COPRS: variants seen among roughly 807,000 people sequenced by gnomAD.
COPRS encodes coordinator of PRMT5 and differentiation stimulator.
COPRS carries 11 observed loss-of-function variants against 19.9 expected under a neutral mutation model. The observed-to-expected ratio is 0.55, with a 90% CI of 0.35 to 0.92. The LOEUF (loss-of-function observed/expected upper bound fraction) is 0.92, where lower values mean the gene tolerates loss of function less well. Ranked by LOEUF, COPRS falls within the 40% of genes least tolerant of loss-of-function variation. The pLI is 0.01. For missense variants in COPRS, 225 were observed against 229.9 expected (o/e 0.98, Z 0.14); for synonymous variants, 81 against 82.7 (o/e 0.98, Z 0.11).
At chr17:31,855,752 C>G (rs1224733970) in intron 2 of COPRS, among the ~76,000 whole-genome samples, 1 of 151,628 alleles carries the variant, frequency 6.6e-6, no homozygotes, top group African/African-American at 2.4e-5. Flanking sequence ...TCCCAGCACT[C>G]TGAGAGGCTG....
intron 1 of COPRS, chr17:31,858,285 G>T: frequency 1.3e-6 from 1 of 797,608 alleles, no homozygotes; most frequent in Non-Finnish European, 1.5e-6. Flanking sequence ...ATCCTTTCCT[G>T]CTATGCCCTG....
Position 31,859,126 on chromosome 17 carries a change from G to T in COPRS, c.74C>A (p.Ala25Glu). 1 of 1,083,162 alleles carries T rather than the reference G, an allele frequency of 9.2e-7. No individual in the cohort carries two copies. The allele number at this position is 1,083,162 out of a possible 1,614,324, so 67.1% of individuals were successfully genotyped here. A position where few individuals can be genotyped will look rare whatever the true frequency, so the allele number is the denominator to read the frequency against. Residue 25 changes from alanine (A) to glutamate (E), a missense_variant, in exon 1 of 4, where the codon GCG becomes GAG. Ala to Glu is a moderately radical substitution (Grantham distance 107). Around this residue, in one of 3 missense-constraint regions of COPRS, gnomAD observed 51 missense variants for 39.2 expected, o/e 1.30. Coordinates refer to ENST00000302362, the MANE Select transcript of COPRS (RefSeq NM_018405.4). The part of the protein sequence containing the change: ...EPSRGPPLPS[A>E]RGAPPSPEAG... The stretch of plus-strand genomic sequence containing the variant: ...CTCCGGGCTGGGGGGCGCCCCCCGC[G>T]CGCTAGGCAGCGGCGGGCCCCGAGA...
intron 2 of COPRS, among the ~76,000 whole-genome samples, chr17:31,854,720 T>C (rs753914181): frequency 5.3e-5 from 8 of 152,056 alleles, no homozygotes; most frequent in Non-Finnish European, 1.2e-4. Context: ...AGGCCACATA[T>C]TGTTATGATT....
chr17:31,858,927 G>T, intron 1 of COPRS, 174 bp downstream of exon 1: 1 of 1,457,070 alleles, frequency 6.9e-7, no homozygotes, highest in Non-Finnish European at 9.0e-7. Flanking sequence ...GCGGCCCCGC[G>T]GCCTGGCCGT....
chr17:31,859,048 TCCCG>T, intron 1 of COPRS, 49 bp downstream of exon 1: 1 of 1,159,326 alleles, frequency 8.6e-7, no homozygotes, highest in African/African-American at 1.6e-5. Flanking sequence ...CCCCGCGACT[TCCCG>T]CCCCAGGCTG....
intron 2 of COPRS, among the ~76,000 whole-genome samples, chr17:31,855,363 C>T (rs1909305675): frequency 6.6e-6 from 1 of 152,124 alleles, no homozygotes; most frequent in African/African-American, 2.4e-5. Flanking sequence ...AAAAATTAGC[C>T]AGGCGTGGTG....
In COPRS at chr17:31,853,007, T is replaced by C. The variant is rs772113069; in HGVS notation, c.190A>G (p.Asn64Asp). ...CCCTCACCCCGGGCAGGACTGTCATTAGGAATGCTCTGTGTTCCACGGGCT... is the reference window on the plus strand; with the variant it reads ...CCCTCACCCCGGGCAGGACTGTCATCAGGAATGCTCTGTGTTCCACGGGCT... ...RLARGTQSIPNDSPARGEGTH... is the reference protein window; with the variant it reads ...RLARGTQSIPDDSPARGEGTH... The change falls in exon 3 of 4, where the codon AAT (asparagine) becomes GAT (aspartate). Residue 64 changes from asparagine (N) to aspartate (D), a missense_variant. Around this residue, in one of 3 missense-constraint regions of COPRS, gnomAD observed 170 missense variants for 171.4 expected, o/e 0.99. Coordinates refer to ENST00000302362, the MANE Select transcript of COPRS (RefSeq NM_018405.4). The C allele has an allele frequency of 1.2e-6, 2 of 1,613,954 alleles. No individual in the cohort carries two copies. Among genetic ancestry groups the C allele is most frequent in the Non-Finnish European group, 1.7e-6 (2 of 1,179,862 alleles).
intron 2 of COPRS, 24 bp downstream of exon 2, chr17:31,856,775 C>G (rs1240884870): frequency 4.0e-6 from 6 of 1,494,106 alleles, no homozygotes; most frequent in Non-Finnish European, 5.6e-6. Flanking sequence ...GTCTCCCCAA[C>G]TTCCGTCTCT....
chr17:31,852,631 C>T (rs1261637561), intron 3 of COPRS, among the ~76,000 whole-genome samples, 181 bp downstream of exon 3: 1 of 152,132 alleles, frequency 6.6e-6, no homozygotes, highest in Non-Finnish European at 1.5e-5. Flanking sequence ...ATTATGGAGT[C>T]AAATGCAAAA....
At chr17:31,858,102 C>T (rs767588009) in intron 1 of COPRS, among the ~76,000 whole-genome samples, 6 of 152,178 alleles carry the variant, frequency 3.9e-5, no homozygotes, top group Non-Finnish European at 7.3e-5. Context: ...CTTCAACAGC[C>T]CTCCACTGAG....
intron 2 of COPRS, among the ~76,000 whole-genome samples, chr17:31,855,178 C>T (rs1909297576): frequency 6.6e-6 from 1 of 151,808 alleles, no homozygotes; most frequent in African/African-American, 2.4e-5. Flanking sequence ...GAGTTTGAGA[C>T]CAGCCTGGCC....
At chr17:31,857,388 G>GT (rs1309748223) in intron 1 of COPRS, among the ~76,000 whole-genome samples, 1 of 152,238 alleles carries the variant, frequency 6.6e-6, no homozygotes, top group Non-Finnish European at 1.5e-5. Context: ...CCAGGTACAC[G>GT]TTTTACCTTT....
chr17:31,856,066 G>A (rs528920718), intron 2 of COPRS, among the ~76,000 whole-genome samples: 18 of 151,044 alleles, frequency 1.2e-4, no homozygotes, highest in African/African-American at 1.7e-4. Flanking sequence ...CTTTGGGAGC[G>A]TGGGCTCACA....
In COPRS at chr17:31,852,841, T is replaced by A. The variant is rs1221223156; in HGVS notation, c.356A>T (p.Glu119Val). The change falls in exon 3 of 4, where the codon GAG becomes GTG. Residue 119 changes from glutamate to valine, a missense_variant. Glu to Val is a moderately radical substitution (Grantham distance 121). Around this residue, in one of 3 missense-constraint regions of COPRS, gnomAD observed 170 missense variants for 171.4 expected, o/e 0.99. Transcript: ENST00000302362. ...TGGATTCCCTTGATCTGCTTTCAACTCCGAGTCCCAGTCCTCATTAAAAAG... is the reference window on the plus strand; with the variant it reads ...TGGATTCCCTTGATCTGCTTTCAACACCGAGTCCCAGTCCTCATTAAAAAG... ...GDLFNEDWDS[E>V]LKADQGNPYD... The A allele has an allele frequency of 1.2e-6, 2 of 1,613,946 alleles. No homozygotes were observed. Among genetic ancestry groups the A allele is most frequent in the African/African-American group, 1.3e-5 (1 of 74,906 alleles).
At chr17:31,855,456 G>C (rs1023025167) in intron 2 of COPRS, among the ~76,000 whole-genome samples, 3 of 151,730 alleles carry the variant, frequency 2.0e-5, no homozygotes, top group Non-Finnish European at 2.9e-5. Flanking sequence ...GCAGTGAGCC[G>C]AGATAGTGCC....
chr17:31,854,355 CAAAAAAAAAAAAAAA>C (rs34371712), intron 2 of COPRS, among the ~76,000 whole-genome samples: 8 of 46,430 alleles, frequency 1.7e-4, no homozygotes, highest in African/African-American at 3.4e-4. Context: ...ACCCTGTCTC[CAAAAAAAAAAAAAAA>C]AAAAAAAAAA....
At chr17:31,855,805 G>A (rs971458949) in intron 2 of COPRS, among the ~76,000 whole-genome samples, 7 of 152,074 alleles carry the variant, frequency 4.6e-5, no homozygotes, top group East Asian at 1.9e-4. Flanking sequence ...AGACCAGCCT[G>A]GCTAACATGG....
Position 31,852,259 on chromosome 17 carries a change from C to T in COPRS, c.435G>A (p.Val145=). The change falls in exon 4 of 4, where the codon GTG becomes GTA. Residue 145 remains valine (V), a synonymous_variant. Transcript: ENST00000302362. ...TCATGTCTCCTTGTGGGGCACAGCA[C>T]ACCCAAGGTTTAAGCTCTTGAGAAA... ...ESISQELKPW[V]CCAPQGDMIY... 2 of 1,613,992 alleles carry T rather than the reference C, an allele frequency of 1.2e-6. No homozygotes were observed. Among genetic ancestry groups the T allele is most frequent in the Non-Finnish European group, 8.5e-7 (1 of 1,179,936 alleles).
chr17:31,853,225 C>T (rs1034675593), intron 2 of COPRS, among the ~76,000 whole-genome samples, 195 bp from the exon 3 acceptor site: 7 of 151,998 alleles, frequency 4.6e-5, no homozygotes, highest in African/African-American at 1.5e-4. Flanking sequence ...TTCAATAAGA[C>T]GTTTTGTCTT....
Sources: allele counts gnomAD v4.1 joint callset (sites outside exome capture counted in the v4.1 genomes callset), GRCh38; gene constraint gnomAD v4.1.1; regional missense constraint gnomAD v4.1.1; transcripts MANE v1.5; gene names NCBI Gene and HGNC (gene_info 2026-07-23, HGNC 2026-07-21).